CDYL: variants seen among roughly 807,000 people sequenced by gnomAD.
CDYL encodes chromodomain Y like.
In CDYL, 8 loss-of-function variants were observed where a neutral mutation model predicts 47.3. That is an observed-to-expected ratio of 0.17 (90% CI 0.10 to 0.31). The LOEUF is 0.31. CDYL is among the 10% of genes least tolerant of loss of function. The pLI, the probability that CDYL is intolerant of heterozygous loss-of-function variation, is 1.00. For missense variants in CDYL, 471 were observed against 701.4 expected (o/e 0.67, Z 3.71); for synonymous variants, 266 against 265.0 (o/e 1.00, Z -0.04).
Position 4,870,788 on chromosome 6 carries a change from CCAT to C in CDYL, c.25-20921_25-20919del, listed in dbSNP as rs528957739. 4.2e-3 allele frequency among the ~76,000 whole-genome samples: 634 copies of C among 152,210 alleles called. 1 individual carries two copies. Among genetic ancestry groups the C allele is most frequent in the African/African-American group, 0.014 (596 of 41,546 alleles). ...TGCCATTTCAAATCTACTGTTGAGT[CCAT>C]CATTGGATTTTTAAACTCTAGAATT... On this transcript the variant is annotated intron_variant, in intron 1 of 6. Coordinates refer to ENST00000397588, the MANE Select transcript of CDYL (RefSeq NM_004824.4).
chr6:4,856,650 A>G (rs1207664091), intron 1 of CDYL, among the ~76,000 whole-genome samples: 1 of 152,118 alleles, frequency 6.6e-6, no homozygotes, highest in Non-Finnish European at 1.5e-5. Context: ...TGAATTCTGG[A>G]AAGACTGAAC....
At chr6:4,914,205 C>T (rs370423526) in intron 2 of CDYL, among the ~76,000 whole-genome samples, 10 of 137,384 alleles carry the variant, frequency 7.3e-5, no homozygotes, top group East Asian at 2.1e-4. Flanking sequence ...TGAAAGAGTT[C>T]TTTTTTTTTT....
chr6:4,853,350 A>G (rs1214003899), intron 1 of CDYL, among the ~76,000 whole-genome samples: 5 of 152,216 alleles, frequency 3.3e-5, no homozygotes, highest in East Asian at 1.9e-4. Context: ...AGAGAGCTGA[A>G]GAAGGTAACA....
chr6:4,776,792 CGAG>C lies in CDYL; in HGVS notation c.13_15del (p.Glu5del). The C allele has an allele frequency of 8.6e-7, 1 of 1,163,604 alleles. No individual in the cohort carries two copies. The highest frequency in any genetic ancestry group is 1.1e-6 in the Non-Finnish European group (1 of 922,770). 72.1% of individuals were successfully genotyped at this position (1,163,604 alleles called of 1,614,324 possible). A position where few individuals can be genotyped will look rare whatever the true frequency, so the allele number is the denominator to read the frequency against. ...CAACTCCGCCGCCCACCATGGCTTC[CGAG>C]GAGCTGTACGAGGTACCTCCCCTCC... On this transcript the variant is annotated inframe_deletion, in exon 1 of 7. Transcript: ENST00000397588.
intron 3 of CDYL, among the ~76,000 whole-genome samples, chr6:4,746,807 T>C (rs1472218774): frequency 6.6e-6 from 1 of 152,014 alleles, no homozygotes; most frequent in East Asian, 1.9e-4. Context: ...GATGAGATTT[T>C]CCCAGAAGAG....
intron 1 of CDYL, among the ~76,000 whole-genome samples, chr6:4,805,043 C>G (rs544343174): frequency 5.3e-5 from 8 of 151,868 alleles, no homozygotes; most frequent in African/African-American, 1.9e-4. Context: ...TAAATCAGAC[C>G]AAAAAAACCC....
At chr6:4,799,523 A>G (rs1048340760) in intron 1 of CDYL, among the ~76,000 whole-genome samples, 2 of 151,910 alleles carry the variant, frequency 1.3e-5, no homozygotes, top group Non-Finnish European at 2.9e-5. Context: ...ATGGCTCAGC[A>G]TAGCTTCCAC....
chr6:4,874,541 A>T (rs887406171), intron 1 of CDYL, among the ~76,000 whole-genome samples: 1 of 152,192 alleles, frequency 6.6e-6, no homozygotes, highest in Admixed American at 6.5e-5. Flanking sequence ...CTGATCCCAG[A>T]CTAAGCGCTG....
intron 3 of CDYL, among the ~76,000 whole-genome samples, chr6:4,736,619 T>G (rs1483626014): frequency 6.6e-6 from 1 of 151,636 alleles, no homozygotes; most frequent in Non-Finnish European, 1.5e-5. Flanking sequence ...CCTGGCAACT[T>G]CCCTAGGAGT....
chr6:4,837,956 T>A lies in CDYL; in HGVS notation c.25-53757T>A, dbSNP rs1381681552. ...ACCCAGCTAATTTTTTTTTTTTTTT[T>A]AAATAGAGATGGGGTTTTGCCATGT... On this transcript the variant is annotated intron_variant, in intron 1 of 6. Transcript: ENST00000397588. Among the ~76,000 whole-genome samples, 49 of 148,858 alleles carry A rather than the reference T, an allele frequency of 3.3e-4. 1 individual carries two copies. The highest frequency in any genetic ancestry group is 9.5e-4 in the African/African-American group (38 of 40,188).
intron 1 of CDYL, among the ~76,000 whole-genome samples, chr6:4,825,709 A>G (rs1759962825): frequency 6.6e-6 from 1 of 152,128 alleles, no homozygotes; most frequent in Non-Finnish European, 1.5e-5. Context: ...ATCCTTTTAG[A>G]TGTTAGATTT....
At chr6:4,764,480 G>T (rs1758222706) in intron 3 of CDYL, among the ~76,000 whole-genome samples, 1 of 152,092 alleles carries the variant, frequency 6.6e-6, no homozygotes, top group African/African-American at 2.4e-5. Context: ...AGTAGAGGTG[G>T]GGTGTCACCA....
chr6:4,762,953 G>A (rs1016007236), intron 3 of CDYL, among the ~76,000 whole-genome samples: 16 of 151,934 alleles, frequency 1.1e-4, no homozygotes, highest in Admixed American at 7.2e-4. Context: ...AACCCAACCA[G>A]GATAAATACA....
chr6:4,842,151 A>C (rs1392933165), intron 1 of CDYL, among the ~76,000 whole-genome samples: 1 of 144,204 alleles, frequency 6.9e-6, no homozygotes, highest in Admixed American at 7.1e-5. Flanking sequence ...TATTACTTAT[A>C]TATTATAAAT....
intron 1 of CDYL, among the ~76,000 whole-genome samples, chr6:4,859,606 A>T (rs1047634412): frequency 6.6e-6 from 1 of 152,146 alleles, no homozygotes; most frequent in African/African-American, 2.4e-5. Context: ...AGGTAATTAG[A>T]TTATTTTGAT....
chr6:4,824,927 G>C (rs1012198237), intron 1 of CDYL, among the ~76,000 whole-genome samples: 1 of 151,970 alleles, frequency 6.6e-6, no homozygotes, highest in Non-Finnish European at 1.5e-5. Context: ...CTGGAGTGTG[G>C]TGGCATGATC....
At chr6:4,930,761 A>C (rs761409245) in intron 2 of CDYL, among the ~76,000 whole-genome samples, 2 of 152,248 alleles carry the variant, frequency 1.3e-5, no homozygotes, top group Non-Finnish European at 2.9e-5. Context: ...TATTAAAAGA[A>C]AATCAATTAC....
At position 4,864,069 on chromosome 6, in the gene CDYL, CTA is replaced by C. The variant is rs764545773; in HGVS notation, c.25-27642_25-27641del. On this transcript the variant is annotated intron_variant, in intron 1 of 6. Transcript: ENST00000397588. ...GCCTGAGGGTCTGTAATGACACTGA[CTA>C]TGGATTTCCACAGTAATCATAGAAG... Among the ~76,000 whole-genome samples the C allele has an allele frequency of 2.6e-4, 39 of 152,276 alleles. No homozygotes were observed. The Middle Eastern group carries it at 0.01, about 40-fold the overall frequency.
chr6:4,776,661 C>T lies in CDYL; in HGVS notation c.-123C>T, dbSNP rs1446827371. The T allele has an allele frequency of 6.8e-6, 6 of 879,672 alleles. No homozygotes were observed. The highest frequency in any genetic ancestry group is 9.1e-6 in the Non-Finnish European group (6 of 662,484). 54.5% of individuals were successfully genotyped at this position (879,672 alleles called of 1,614,324 possible). ...CAAGAGGCTCGTCCGTGCCCAGCGC[C>T]CGGCCGGCCGCGGGAGCAGGAAGCG... On this transcript the variant is annotated 5_prime_UTR_variant, in exon 1 of 7. Coordinates refer to ENST00000397588, the MANE Select transcript of CDYL (RefSeq NM_004824.4).
Sources: gnomAD v4.1 joint callset for allele counts (sites outside exome capture counted in the v4.1 genomes callset) on GRCh38, gnomAD v4.1.1 for gene constraint, MANE v1.5 for transcripts, NCBI Gene and HGNC (gene_info 2026-07-23, HGNC 2026-07-21) for gene names.